The following WWOX variants were observed in gnomAD, a reference collection of about 807,000 sequenced individuals.
WWOX encodes WW domain-containing oxidoreductase.
A neutral mutation model predicts 46.2 loss-of-function variants in WWOX; 69 were observed. That is an observed-to-expected ratio of 1.49 (90% CI 1.23 to 1.82). The LOEUF is 1.82. Ranked by LOEUF, WWOX falls within the 40% of genes most tolerant of loss-of-function variation. The pLI is 0.00. For synonymous variants in WWOX, 359 were observed against 202.6 expected, an observed-to-expected ratio of 1.77 and a Z score of -6.56; for missense variants, 919 against 542.6, an observed-to-expected ratio of 1.69 and a Z score of -6.89.
At chr16:78,955,757 C>G (rs1202863302) in intron 8 of WWOX, among the ~76,000 whole-genome samples, 1 of 151,694 alleles carries the variant, frequency 6.6e-6, no homozygotes, top group African/African-American at 2.4e-5. Flanking sequence ...AAGCAGTTCT[C>G]CTGCCTCAGC....
chr16:78,739,321 G>C (rs1207160861), intron 8 of WWOX, among the ~76,000 whole-genome samples: 2 of 152,190 alleles, frequency 1.3e-5, no homozygotes, highest in Non-Finnish European at 2.9e-5. Context: ...TTGGTGCCCA[G>C]ACGTTCCCAA....
intron 8 of WWOX, among the ~76,000 whole-genome samples, chr16:78,785,183 A>C (rs2142569291): frequency 6.6e-6 from 1 of 152,366 alleles, no homozygotes; most frequent in African/African-American, 2.4e-5. Flanking sequence ...GAATTAAGCA[A>C]AGTAAGATGA....
intron 8 of WWOX, among the ~76,000 whole-genome samples, chr16:78,710,718 G>A (rs904908583): frequency 6.6e-6 from 1 of 151,098 alleles, no homozygotes; most frequent in Non-Finnish European, 1.5e-5. Context: ...GGGCTCAACT[G>A]ATTCTCTCAT....
chr16:78,692,544 T>C (rs542133139), intron 8 of WWOX, among the ~76,000 whole-genome samples: 11 of 152,200 alleles, frequency 7.2e-5, no homozygotes, highest in Admixed American at 5.9e-4. Flanking sequence ...GGAGCTCTTA[T>C]GGGTAACACC....
intron 8 of WWOX, among the ~76,000 whole-genome samples, chr16:78,769,409 G>T (rs906889436): frequency 2.6e-5 from 4 of 152,022 alleles, no homozygotes; most frequent in Admixed American, 6.6e-5. Flanking sequence ...AACCTGTCAA[G>T]CACATGTTGT....
chr16:78,874,254 T>TGA (rs2044188374), intron 8 of WWOX, among the ~76,000 whole-genome samples: 1 of 100,328 alleles, frequency 1.0e-5, no homozygotes, highest in African/African-American at 4.2e-5. Flanking sequence ...AGACTCTGTC[T>TGA]CAAAAAAAAA....
At chr16:79,179,183 A>G (rs1439398218) in intron 8 of WWOX, among the ~76,000 whole-genome samples, 1 of 152,372 alleles carries the variant, frequency 6.6e-6, no homozygotes, top group Middle Eastern at 3.4e-3. Context: ...CCTGTCTTCC[A>G]AAAGTGTAGC....
At chr16:79,014,502 C>T (rs2047374004) in intron 8 of WWOX, among the ~76,000 whole-genome samples, 1 of 152,178 alleles carries the variant, frequency 6.6e-6, no homozygotes, top group Non-Finnish European at 1.5e-5. Flanking sequence ...GGAAATCCAG[C>T]CGTTGCTCCA....
At chr16:78,794,039 C>T (rs572096598) in intron 8 of WWOX, among the ~76,000 whole-genome samples, 1 of 152,102 alleles carries the variant, frequency 6.6e-6, no homozygotes, top group Non-Finnish European at 1.5e-5. Flanking sequence ...TCAAATCCTG[C>T]TGTGGTCAGA....
intron 8 of WWOX, among the ~76,000 whole-genome samples, chr16:78,558,201 G>T (rs747721633): frequency 2.6e-5 from 4 of 152,078 alleles, no homozygotes; most frequent in Non-Finnish European, 2.9e-5. Flanking sequence ...TTTATTTTCA[G>T]TGTTTTTGCC....
chr16:78,814,390 T>G (rs1443592127), intron 8 of WWOX, among the ~76,000 whole-genome samples: 1 of 152,132 alleles, frequency 6.6e-6, no homozygotes, highest in Non-Finnish European at 1.5e-5. Context: ...ATACTATATG[T>G]TAAAAAATAC....
chr16:78,290,418 T>C lies in WWOX; in HGVS notation c.517-96442T>C, dbSNP rs112270852. ...CAGTTTTCTTTGTGCTTCCTCTGAA[T>C]AGAGAGTAGTTTTTGTGGCATTGTT... On this transcript the variant is annotated intron_variant, in intron 5 of 8. Coordinates refer to ENST00000566780, the MANE Select transcript of WWOX (RefSeq NM_016373.4). Among the ~76,000 whole-genome samples the C allele has an allele frequency of 5.3e-5, 8 of 152,220 alleles. 1 individual carries two copies. Among genetic ancestry groups the C allele is most frequent in the African/African-American group, 1.7e-4 (7 of 41,540 alleles).
At chr16:78,382,711 T>C (rs1048822607) in intron 5 of WWOX, among the ~76,000 whole-genome samples, 1 of 152,164 alleles carries the variant, frequency 6.6e-6, no homozygotes, top group African/African-American at 2.4e-5. Flanking sequence ...AAGTCATGGT[T>C]TGCTTGGTGG....
intron 8 of WWOX, among the ~76,000 whole-genome samples, chr16:78,997,183 G>T (rs945267305): frequency 5.3e-5 from 8 of 152,086 alleles, no homozygotes; most frequent in Admixed American, 5.2e-4. Flanking sequence ...GGAAGAGGAG[G>T]AGGAGAGGAT....
chr16:78,430,638 C>G (rs768836121), intron 7 of WWOX, among the ~76,000 whole-genome samples: 11 of 152,110 alleles, frequency 7.2e-5, no homozygotes, highest in African/African-American at 2.4e-5. Context: ...TTGCCTTAGA[C>G]AATTAAGCTT....
intron 8 of WWOX, among the ~76,000 whole-genome samples, chr16:78,857,498 T>C (rs1160592136): frequency 6.6e-6 from 1 of 152,184 alleles, no homozygotes; most frequent in Admixed American, 6.5e-5. Context: ...TAAGCAATTT[T>C]CTGATAAACT....
chr16:78,893,699 A>G (rs1378676575), intron 8 of WWOX, among the ~76,000 whole-genome samples: 2 of 152,108 alleles, frequency 1.3e-5, no homozygotes, highest in African/African-American at 4.8e-5. Context: ...GGGCCCTTCT[A>G]GCACTTCTGT....
At chr16:78,743,586 T>C (rs1043628551) in intron 8 of WWOX, among the ~76,000 whole-genome samples, 3 of 152,174 alleles carry the variant, frequency 2.0e-5, no homozygotes, top group East Asian at 3.9e-4. Context: ...AACTAAGTTA[T>C]AAAAGGACCA....
intron 8 of WWOX, among the ~76,000 whole-genome samples, chr16:79,170,055 C>A (rs1053157601): frequency 6.6e-5 from 10 of 152,126 alleles, no homozygotes; most frequent in African/African-American, 2.4e-4. Flanking sequence ...GAGCGCCAAC[C>A]AGCTCAAACA....
Sources: allele counts gnomAD v4.1 joint callset (sites outside exome capture counted in the v4.1 genomes callset), GRCh38; gene constraint gnomAD v4.1.1; transcripts MANE v1.5; gene names NCBI Gene and HGNC (gene_info 2026-07-23, HGNC 2026-07-21).